Variants in AXDND1 observed in about 807,000 individuals in gnomAD.
AXDND1 encodes the protein axonemal dynein light chain domain containing 1.
AXDND1 carries 110 observed loss-of-function variants against 137.5 expected under a neutral mutation model. The observed-to-expected ratio is 0.80, with a 90% CI of 0.69 to 0.94. The LOEUF (loss-of-function observed/expected upper bound fraction) is 0.94. Ranked by LOEUF, AXDND1 falls within the 40% of genes least tolerant of loss-of-function variation. The pLI, the probability that AXDND1 is intolerant of heterozygous loss-of-function variation, is 0.00. For synonymous variants in AXDND1, 414 were observed against 399.7 expected (o/e 1.04, Z -0.43); for missense variants, 1,191 against 1,169.8 (o/e 1.02, Z -0.26).
intron 17 of AXDND1, among the ~76,000 whole-genome samples, chr1:179,475,502 G>A (rs1297434038): frequency 6.6e-6 from 1 of 152,236 alleles, no homozygotes; most frequent in Non-Finnish European, 1.5e-5. Flanking sequence ...TTTAATGACT[G>A]GCCTACTGGA....
At chr1:179,540,569 C>T (rs1460926457) in intron 25 of AXDND1, among the ~76,000 whole-genome samples, 3 of 152,186 alleles carry the variant, frequency 2.0e-5, no homozygotes, top group African/African-American at 2.4e-5. Flanking sequence ...CTGGAAGCTT[C>T]GTCCCAGAGG....
intron 17 of AXDND1, among the ~76,000 whole-genome samples, chr1:179,477,880 C>G (rs34041685): frequency 0.46 from 69,427 of 152,048 alleles, 16,744 homozygotes; most frequent in East Asian, 0.76. Flanking sequence ...TACAAAGGGG[C>G]TACAGACATT....
chr1:179,375,429 T>A (rs1474883599), intron 4 of AXDND1, among the ~76,000 whole-genome samples: 2 of 151,702 alleles, frequency 1.3e-5, no homozygotes, highest in Non-Finnish European at 1.5e-5. Flanking sequence ...ATTATATGTT[T>A]GTGTATATGT....
At chr1:179,446,305 T>C (rs537824228) in intron 16 of AXDND1, among the ~76,000 whole-genome samples, 1 of 152,346 alleles carries the variant, frequency 6.6e-6, no homozygotes, top group East Asian at 1.9e-4. Context: ...TGCACTATTA[T>C]CACTTGTGTT....
chr1:179,504,093 G>A (rs2125623447), intron 20 of AXDND1, among the ~76,000 whole-genome samples: 1 of 152,154 alleles, frequency 6.6e-6, no homozygotes, highest in Admixed American at 6.5e-5. Context: ...TGTATGTCAG[G>A]GAAGCAATAA....
At chr1:179,445,509 T>C (rs1192614735) in intron 16 of AXDND1, among the ~76,000 whole-genome samples, 2 of 152,142 alleles carry the variant, frequency 1.3e-5, no homozygotes, top group Non-Finnish European at 2.9e-5. Context: ...TCTTTAGCTC[T>C]CACCCTCTTA....
intron 21 of AXDND1, among the ~76,000 whole-genome samples, chr1:179,510,428 TCTA>T: frequency 6.8e-6 from 1 of 146,474 alleles, no homozygotes; most frequent in South Asian, 2.3e-4. Flanking sequence ...AGGGGAAGGT[TCTA>T]TCTACACATT....
intron 1 of AXDND1, 113 bp from the exon 2 acceptor site, chr1:179,366,291 G>T (rs1667387725): frequency 9.7e-6 from 4 of 411,572 alleles, no homozygotes; most frequent in South Asian, 5.2e-5. Context: ...CATAGAGGTC[G>T]CCCCGAAGAA....
chr1:179,512,706 G>A (rs1256615581), intron 21 of AXDND1, among the ~76,000 whole-genome samples: 1 of 152,020 alleles, frequency 6.6e-6, no homozygotes, highest in Non-Finnish European at 1.5e-5. Flanking sequence ...CTTGGGGTGT[G>A]TTTCCATTTG....
intron 5 of AXDND1, 58 bp from the exon 6 acceptor site, chr1:179,379,339 T>C: frequency 6.5e-7 from 1 of 1,544,772 alleles, no homozygotes; most frequent in South Asian, 1.2e-5. Context: ...TTTGTGCAAG[T>C]GAATTTTTTC....
chr1:179,455,718 A>T (rs2125416428), intron 16 of AXDND1: 1 of 157,778 alleles, frequency 6.3e-6, no homozygotes, highest in Middle Eastern at 3.2e-3. Context: ...ATAACTAAGG[A>T]CTAAGAATGG....
chr1:179,467,216 C>A (rs1663322074), intron 16 of AXDND1, among the ~76,000 whole-genome samples: 1 of 152,104 alleles, frequency 6.6e-6, no homozygotes, highest in Non-Finnish European at 1.5e-5. Flanking sequence ...CTGAGGCAAC[C>A]CTGAACCATT....
chr1:179,448,544 C>G lies in AXDND1; in HGVS notation c.1798+3340C>G, dbSNP rs141253052. The G allele has an allele frequency of 8.4e-4, 275 of 326,046 alleles. 1 individual carries two copies. Among genetic ancestry groups the G allele is most frequent in the African/African-American group, 5.8e-3 (261 of 44,950 alleles). 20.2% of individuals were successfully genotyped at this position (326,046 alleles called of 1,614,324 possible). On this transcript the variant is annotated intron_variant, in intron 16 of 25. Coordinates refer to ENST00000367618, the MANE Select transcript of AXDND1 (RefSeq NM_144696.6). ...CGTACAGCTTCTGTTATTTCAGCTT[C>G]TACTCCAAGGGCTACAGCTGAAATT...
intron 10 of AXDND1, 133 bp from the exon 11 acceptor site, chr1:179,394,965 A>G (rs566455558): frequency 1.6e-6 from 1 of 640,402 alleles, no homozygotes; most frequent in South Asian, 2.1e-5. Context: ...GATTTGGTTT[A>G]TAAGGTGGAA....
chr1:179,429,628 C>G lies in AXDND1; in HGVS notation c.1332+9C>G, dbSNP rs1657089098. 1 of 1,493,056 alleles carries G rather than the reference C, an allele frequency of 6.7e-7. No individual in the cohort carries two copies. Among genetic ancestry groups the G allele is most frequent in the African/African-American group, 1.4e-5 (1 of 69,642 alleles). The allele number at this position is 1,493,056 out of a possible 1,614,324, so 92.5% of individuals were successfully genotyped here. A position where few individuals can be genotyped will look rare whatever the true frequency, so the allele number is the denominator to read the frequency against. ...TACTGCTATCAAACAAGGTAAAGGT[C>G]AATTATCTTCAGTTATGGGAAAAAA... On this transcript the variant is annotated intron_variant, in intron 13 of 25. Transcript: ENST00000367618.
intron 16 of AXDND1, chr1:179,448,067 C>G (rs1659989963): frequency 3.6e-6 from 4 of 1,124,184 alleles, no homozygotes. Context: ...AAACCAGGTG[C>G]AATGTTATGA....
chr1:179,453,205 T>C (rs1045181665), intron 16 of AXDND1: 1 of 152,188 alleles, frequency 6.6e-6, no homozygotes. Context: ...GCTAGGGAAG[T>C]GCAGCAGGGA....
chr1:179,466,013 C>T (rs563349676), intron 16 of AXDND1, among the ~76,000 whole-genome samples: 18 of 152,218 alleles, frequency 1.2e-4, no homozygotes, highest in South Asian at 1.0e-3. Context: ...TTCCAGGTAC[C>T]GTCTTTCATG....
At chr1:179,496,923 T>C (rs1667501114) in intron 20 of AXDND1, among the ~76,000 whole-genome samples, 1 of 152,118 alleles carries the variant, frequency 6.6e-6, no homozygotes, top group Non-Finnish European at 1.5e-5. Flanking sequence ...TAAAATACAT[T>C]TTAATATCCA....
Sources: gnomAD v4.1 joint callset for allele counts (sites outside exome capture counted in the v4.1 genomes callset) on GRCh38, gnomAD v4.1.1 for gene constraint, MANE v1.5 for transcripts, NCBI Gene and HGNC (gene_info 2026-07-23, HGNC 2026-07-21) for gene names.